The following HLTF variants were observed in gnomAD, a reference collection of about 807,000 sequenced individuals.
HLTF encodes DNA-dependent ATPase/E3 ubiquitin-protein ligase HLTF.
HLTF carries 127 observed loss-of-function variants against 129.4 expected under a neutral mutation model. The observed-to-expected ratio is 0.98, with a 90% CI of 0.85 to 1.14. HLTF has a LOEUF of 1.14. Ranked by LOEUF, HLTF falls within the 50% of genes most tolerant of loss-of-function variation. The pLI is 0.00. For missense variants in HLTF, 1,139 were observed against 1,187.1 expected, an observed-to-expected ratio of 0.96 and a Z score of 0.60; for synonymous variants, 332 against 388.8, an observed-to-expected ratio of 0.85 and a Z score of 1.72.
chr3:149,061,443 T>TA (rs1195758386), intron 10 of HLTF, among the ~76,000 whole-genome samples: 2 of 145,428 alleles, frequency 1.4e-5, no homozygotes, highest in Admixed American at 7.0e-5. Flanking sequence ...TAAAATAAAA[T>TA]AAATTTGAAA....
intron 12 of HLTF, 55 bp from the exon 13 acceptor site, chr3:149,059,862 G>T: frequency 9.7e-7 from 1 of 1,027,982 alleles, no homozygotes; most frequent in Middle Eastern, 2.1e-4. Context: ...CTGTGCTAGA[G>T]TACAGGTACT....
intron 14 of HLTF, 52 bp downstream of exon 14, chr3:149,055,251 T>C: frequency 1.6e-6 from 2 of 1,281,302 alleles, no homozygotes; most frequent in South Asian, 2.5e-5. Flanking sequence ...ACTTTCTACC[T>C]TGTAGATAAA....
At chr3:149,037,725 G>T (rs573667143) in intron 23 of HLTF, among the ~76,000 whole-genome samples, 1 of 152,150 alleles carries the variant, frequency 6.6e-6, no homozygotes, top group Admixed American at 6.5e-5. Flanking sequence ...AATCTTCTGA[G>T]TTTCAGGTAA....
intron 18 of HLTF, among the ~76,000 whole-genome samples, chr3:149,043,609 G>A (rs529622057): frequency 4.0e-5 from 6 of 149,364 alleles, no homozygotes; most frequent in African/African-American, 1.5e-4. Flanking sequence ...AAAATACAGT[G>A]GTACAATGAC....
In HLTF at chr3:149,039,944, A is replaced by G. The variant is rs1576576321; in HGVS notation, c.2502+87T>C. The G allele has an allele frequency of 4.2e-6, 5 of 1,191,534 alleles. No individual in the cohort carries two copies. The East Asian group carries it at 7.6e-5, about 18-fold the overall frequency. 73.8% of individuals were successfully genotyped at this position (1,191,534 alleles called of 1,614,324 possible). ...AGAACACTAAAATGACAGGAATGAA[A>G]GCAGAATTACGATTTTGATATACTG... On this transcript the variant is annotated intron_variant, in intron 21 of 24. Coordinates refer to ENST00000310053, the MANE Select transcript of HLTF (RefSeq NM_003071.4).
chr3:149,046,283 T>C, intron 17 of HLTF, 24 bp from the exon 18 acceptor site: 1 of 1,255,288 alleles, frequency 8.0e-7, no homozygotes, highest in East Asian at 2.5e-5. Context: ...AACAAATAAT[T>C]ATGTAACTTT....
chr3:149,061,684 A>C (rs1717962436), intron 10 of HLTF, among the ~76,000 whole-genome samples: 1 of 149,898 alleles, frequency 6.7e-6, no homozygotes, highest in African/African-American at 2.5e-5. Context: ...AAAAATACAA[A>C]AACTAGCCAG....
At chr3:149,047,785 A>T (rs921690419) in intron 17 of HLTF, among the ~76,000 whole-genome samples, 2 of 152,198 alleles carry the variant, frequency 1.3e-5, no homozygotes, top group Non-Finnish European at 2.9e-5. Flanking sequence ...CAACACACAA[A>T]AAACAGTTAT....
At chr3:149,062,943 G>A (rs1718069796) in intron 10 of HLTF, 1 of 371,196 alleles carries the variant, frequency 2.7e-6, no homozygotes, top group African/African-American at 2.1e-5. Flanking sequence ...TTCTTCATCT[G>A]TAAAATGAGA....
chr3:149,072,894 G>A (rs962135115), intron 5 of HLTF, among the ~76,000 whole-genome samples: 7 of 152,076 alleles, frequency 4.6e-5, no homozygotes, highest in African/African-American at 1.4e-4. Flanking sequence ...TTACTGAAAG[G>A]AGTTAAGTCT....
intron 7 of HLTF, among the ~76,000 whole-genome samples, chr3:149,070,917 T>C (rs1718792109): frequency 6.6e-6 from 1 of 152,072 alleles, no homozygotes; most frequent in Non-Finnish European, 1.5e-5. Context: ...TGGTGGCACA[T>C]GCCTGTAATC....
chr3:149,075,544 AAAAT>A (rs149453804), intron 3 of HLTF, among the ~76,000 whole-genome samples: 5,914 of 152,212 alleles, frequency 0.039, 379 homozygotes, highest in African/African-American at 0.14. Flanking sequence ...ACTTCGTCTC[AAAAT>A]AAATAAATAA....
At chr3:149,045,549 G>A (rs1325162567) in intron 18 of HLTF, among the ~76,000 whole-genome samples, 1 of 152,162 alleles carries the variant, frequency 6.6e-6, no homozygotes, top group African/African-American at 2.4e-5. Flanking sequence ...CTGCTGCTTA[G>A]AACAATCTTT....
chr3:149,036,995 T>C (rs1715694075), intron 23 of HLTF, among the ~76,000 whole-genome samples: 2 of 152,218 alleles, frequency 1.3e-5, no homozygotes, highest in African/African-American at 4.8e-5. Context: ...TATTAACCTC[T>C]TTGGTACTAA....
intron 10 of HLTF, 42 bp downstream of exon 10, chr3:149,063,389 G>A: frequency 4.0e-6 from 5 of 1,261,016 alleles, no homozygotes; most frequent in Non-Finnish European, 5.8e-6. Context: ...AGAAAACAGA[G>A]TCTAAATAAA....
At position 149,032,957 on chromosome 3, in the gene HLTF, C is replaced by CAAAAAA. The variant is rs67952189; in HGVS notation, c.2878-591_2878-586dup. On this transcript the variant is annotated intron_variant, in intron 24 of 24. Coordinates refer to ENST00000310053, the MANE Select transcript of HLTF (RefSeq NM_003071.4). ...CAGCCTGGGTGACAGAGCGACGTCT[C>CAAAAAA]AAAAAAAAAAAAAAAAAAAACAAAA... Among the ~76,000 whole-genome samples, 503 of 67,588 alleles carry CAAAAAA rather than the reference C, an allele frequency of 7.4e-3. 8 individuals carry two copies. Among genetic ancestry groups the CAAAAAA allele is most frequent in the Non-Finnish European group, 0.012 (414 of 34,018 alleles). 44.3% of individuals were successfully genotyped at this position (67,588 alleles called of 152,430 possible).
At chr3:149,057,253 C>T (rs755882072) in intron 13 of HLTF, among the ~76,000 whole-genome samples, 2 of 151,136 alleles carry the variant, frequency 1.3e-5, no homozygotes, top group South Asian at 4.2e-4. Flanking sequence ...TGGTGAAACC[C>T]GTCTCTATTA....
In HLTF at chr3:149,041,616, T is replaced by G; in HGVS notation, c.2250A>C (p.Leu750Phe). 6.2e-7 allele frequency: 1 copy of G among 1,612,150 alleles called. No homozygotes were observed. The highest frequency in any genetic ancestry group is 1.7e-5 in the Admixed American group (1 of 60,002). Residue 750 changes from leucine to phenylalanine, a missense_variant, in exon 20 of 25, where the codon TTA (leucine) becomes TTC (phenylalanine). Leu to Phe is a conservative substitution (Grantham distance 22). Transcript: ENST00000310053. ...CCTCATCTGAACCTGAGCTCAGAAT[T>G]AACTTCATCTTCCTTATTAACTTCT... ...LRKKLIRKMK[L>F]ILSSGSDEEC...
intron 3 of HLTF, among the ~76,000 whole-genome samples, chr3:149,074,607 T>C (rs1325850372): frequency 6.6e-6 from 1 of 152,164 alleles, no homozygotes; most frequent in African/African-American, 2.4e-5. Flanking sequence ...AAGGATGGCC[T>C]GTAAACAAGA....
Sources: allele counts gnomAD v4.1 joint callset (sites outside exome capture counted in the v4.1 genomes callset), GRCh38; gene constraint gnomAD v4.1.1; transcripts MANE v1.5; gene names NCBI Gene and HGNC (gene_info 2026-07-23, HGNC 2026-07-21).